Variants in COL1A2 observed in about 807,000 individuals in gnomAD.
COL1A2 encodes collagen alpha-2(I) chain.
A neutral mutation model predicts 174.3 loss-of-function variants in COL1A2; 49 were observed. That is an observed-to-expected ratio of 0.28 (90% CI 0.22 to 0.36). The LOEUF is 0.36. Among genes scored for constraint, COL1A2 ranks in the 10% least tolerant of loss-of-function variants. COL1A2 has a pLI of 1.00. For synonymous variants in COL1A2, 655 were observed against 606.6 expected, an observed-to-expected ratio of 1.08 and a Z score of -1.17; for missense variants, 1,438 against 1,822.7, an observed-to-expected ratio of 0.79 and a Z score of 3.84.
intron 39 of COL1A2, chr7:94,422,717 T>C: frequency 9.5e-6 from 5 of 524,380 alleles, no homozygotes; most frequent in Non-Finnish European, 1.7e-5. Flanking sequence ...TTTTTCCTCA[T>C]AGAAATTTGC....
intron 24 of COL1A2, 70 bp from the exon 25 acceptor site, chr7:94,412,514 G>A (rs1456498337): frequency 5.2e-6 from 6 of 1,161,126 alleles, no homozygotes; most frequent in South Asian, 1.3e-5. Flanking sequence ...TTCATCCGTG[G>A]CAGCATCATA....
At chr7:94,397,867 T>C (rs998317475) in intron 2 of COL1A2, 109 bp downstream of exon 2, 8 of 668,834 alleles carry the variant, frequency 1.2e-5, no homozygotes, top group Middle Eastern at 2.6e-4. Context: ...CATCCTAGAT[T>C]CCCAAGAAAA....
chr7:94,403,225 A>C (rs1358161812), intron 6 of COL1A2, among the ~76,000 whole-genome samples: 1 of 152,220 alleles, frequency 6.6e-6, no homozygotes, highest in Non-Finnish European at 1.5e-5. Flanking sequence ...CATAAAGCAG[A>C]GTATTTTACT....
At chr7:94,424,801 G>A (rs992866042) in intron 41 of COL1A2, 30 of 465,112 alleles carry the variant, frequency 6.5e-5, no homozygotes, top group South Asian at 3.5e-4. Flanking sequence ...AACCTTATAC[G>A]TGACAACAAC....
rs1349673636 is a variant in COL1A2 at position 94,427,065 on chromosome 7, G to A, written c.3159+4G>A. 6.2e-7 allele frequency: 1 copy of A among 1,613,862 alleles called. No homozygotes were observed. The highest frequency in any genetic ancestry group is 8.5e-7 in the Non-Finnish European group (1 of 1,179,900). On this transcript the variant is annotated splice_donor_region_variant and intron_variant, in intron 47 of 51. Transcript: ENST00000297268. ...CGTGGGTCCTGCTGGTCCTAGGGTA[G>A]GTGGACTCAAGAGAAGACAGTTCAT...
chr7:94,405,017 T>A, intron 9 of COL1A2, 125 bp downstream of exon 9: 2 of 1,174,102 alleles, frequency 1.7e-6, no homozygotes, highest in Non-Finnish European at 2.5e-6. Context: ...TCTTAATGTA[T>A]GGGAAATATT....
intron 16 of COL1A2, among the ~76,000 whole-genome samples, 157 bp from the exon 17 acceptor site, chr7:94,409,165 T>C (rs577575893): frequency 6.6e-6 from 1 of 151,790 alleles, no homozygotes; most frequent in South Asian, 2.1e-4. Context: ...GCAAGGAAAA[T>C]AGGAAACCAA....
chr7:94,423,714 C>T (rs1298826446), intron 40 of COL1A2: 9 of 163,744 alleles, frequency 5.5e-5, no homozygotes, highest in Non-Finnish European at 1.2e-4. Flanking sequence ...CTTGTCTCAG[C>T]CTCCCGAGTA....
At chr7:94,416,582 A>G in intron 31 of COL1A2, 79 bp downstream of exon 31, 2 of 1,105,680 alleles carry the variant, frequency 1.8e-6, no homozygotes, top group East Asian at 2.6e-5. Context: ...TAGAAAGATA[A>G]TTGTTTTTCA....
At chr7:94,424,248 A>C in intron 40 of COL1A2, 88 bp from the exon 41 acceptor site, 3 of 1,118,448 alleles carry the variant, frequency 2.7e-6, no homozygotes, top group Non-Finnish European at 4.1e-6. Flanking sequence ...TTCTAAGCTG[A>C]AGACAGTTTA....
At position 94,418,538 on chromosome 7, in the gene COL1A2, A is replaced by C; in HGVS notation, c.2011A>C (p.Arg671=). Residue 671 remains arginine, a synonymous_variant, in exon 33 of 52, where the codon AGA becomes CGA. Coordinates refer to ENST00000297268, the MANE Select transcript of COL1A2 (RefSeq NM_000089.4). ...CAGAGGTGAAATTGGTAACCCTGGC[A>C]GAGATGGTGCTCGTGTGAGTAGAAT... ...GLRGEIGNPG[R]DGARGAPGAV... is the part of the protein sequence containing the mutation. The C allele has an allele frequency of 6.2e-7, 1 of 1,613,926 alleles. No homozygotes were observed. The highest frequency in any genetic ancestry group is 8.5e-7 in the Non-Finnish European group (1 of 1,179,906).
chr7:94,430,449 A>G lies in COL1A2; in HGVS notation c.*56A>G, dbSNP rs1054827555. 3 of 1,568,828 alleles carry G rather than the reference A, an allele frequency of 1.9e-6. No homozygotes were observed. The highest frequency in any genetic ancestry group is 2.6e-6 in the Non-Finnish European group (3 of 1,146,722). On this transcript the variant is annotated 3_prime_UTR_variant, in exon 52 of 52. Coordinates refer to ENST00000297268, the MANE Select transcript of COL1A2 (RefSeq NM_000089.4). ...AATTTGAAAAAACTTTCTCTTTGCC[A>G]TTTCTTCTTCTTCTTTTTTAACTGA... is the stretch of plus-strand genomic sequence containing the variant.
chr7:94,430,225 C>G (rs758657450), intron 51 of COL1A2, 22 bp from the exon 52 acceptor site: 1 of 1,608,610 alleles, frequency 6.2e-7, no homozygotes, highest in Non-Finnish European at 8.5e-7. Flanking sequence ...CTTTGTGTAT[C>G]TATTTTCTTC....
At chr7:94,419,817 C>T (rs1047463976) in intron 34 of COL1A2, among the ~76,000 whole-genome samples, 20 of 152,184 alleles carry the variant, frequency 1.3e-4, no homozygotes, top group Admixed American at 4.6e-4. Flanking sequence ...TAACAATATC[C>T]TAATGCACTG....
chr7:94,420,406 G>A lies in COL1A2; in HGVS notation c.2149G>A (p.Val717Ile), dbSNP rs1562905162. 3 of 1,614,204 alleles carry A rather than the reference G, an allele frequency of 1.9e-6. No individual in the cohort carries two copies. Among genetic ancestry groups the A allele is most frequent in the Admixed American group, 1.7e-5 (1 of 60,024 alleles). ...TCCCACCTAGGGTGAACGTGGTGAG[G>A]TCGGTCCTGCTGGCCCCAATGGATT... ...PRGSPGERGE[V>I]GPAGPNGFAG... The change falls in exon 36 of 52, where the codon GTC becomes ATC. Residue 717 changes from valine to isoleucine, a missense_variant. Coordinates refer to ENST00000297268, the MANE Select transcript of COL1A2 (RefSeq NM_000089.4).
At chr7:94,406,102 T>A (rs974090528) in intron 11 of COL1A2, 148 bp from the exon 12 acceptor site, 1 of 799,142 alleles carries the variant, frequency 1.3e-6, no homozygotes, top group African/African-American at 1.7e-5. Context: ...ATAGACTGAG[T>A]TTGCTGGGAC....
chr7:94,430,227 A>G lies in COL1A2; in HGVS notation c.3955-20A>G, dbSNP rs543643062. On this transcript the variant is annotated intron_variant, in intron 51 of 51. Transcript: ENST00000297268. ...AGAAATAGTGATGCTTTGTGTATCTATTTTCTTCTCTTTAAACAGAAAAAG... is the reference window on the plus strand; with the variant it reads ...AGAAATAGTGATGCTTTGTGTATCTGTTTTCTTCTCTTTAAACAGAAAAAG... 2 of 1,610,366 alleles carry G rather than the reference A, an allele frequency of 1.2e-6. No homozygotes were observed. The highest frequency in any genetic ancestry group is 2.2e-5 in the East Asian group (1 of 44,856).
chr7:94,420,207 C>A (rs1584326012), intron 34 of COL1A2, 26 bp from the exon 35 acceptor site: 1 of 1,612,760 alleles, frequency 6.2e-7, no homozygotes, highest in African/African-American at 1.3e-5. Context: ...GGCACATTAA[C>A]AGATTCATCT....
intron 16 of COL1A2, 86 bp downstream of exon 16, chr7:94,408,909 G>C: frequency 7.8e-7 from 1 of 1,277,716 alleles, no homozygotes; most frequent in Non-Finnish European, 1.1e-6. Flanking sequence ...CAGATAAAGA[G>C]ATAATTACGA....
Sources: gnomAD v4.1 joint callset for allele counts (sites outside exome capture counted in the v4.1 genomes callset) on GRCh38, gnomAD v4.1.1 for gene constraint, MANE v1.5 for transcripts, NCBI Gene and HGNC (gene_info 2026-07-23, HGNC 2026-07-21) for gene names.